The following CD5 variants were observed in gnomAD, a reference collection of about 807,000 sequenced individuals.
CD5 encodes CD5 molecule, also known as T-cell surface glycoprotein CD5.
In CD5, 36 loss-of-function variants were observed where a neutral mutation model predicts 60.3. The observed-to-expected ratio is 0.60, with a 90% confidence interval of 0.46 to 0.79. The LOEUF (loss-of-function observed/expected upper bound fraction) is 0.79, where lower values mean the gene tolerates loss of function less well. CD5 is among the 30% of genes least tolerant of loss of function. The pLI is 0.00. For synonymous variants in CD5, 230 were observed against 257.6 expected (o/e 0.89, Z 1.03); for missense variants, 540 against 630.6 (o/e 0.86, Z 1.54).
rs1316347082 is a variant in CD5 at position 61,126,834 on chromosome 11, A to G, written c.*549A>G. 6.6e-6 allele frequency: 1 copy of G among 152,106 alleles called. No homozygotes were observed. Among genetic ancestry groups the G allele is most frequent in the Non-Finnish European group, 1.5e-5 (1 of 68,046 alleles). 9.4% of individuals were successfully genotyped at this position (152,106 alleles called of 1,614,324 possible). A position where few individuals can be genotyped will look rare whatever the true frequency, so the allele number is the denominator to read the frequency against. ...GTGGTGGTCAGAGGCTGCTCACCTG[A>G]GCACAAAGACAGCTCTGCACATTCA... On this transcript the variant is annotated 3_prime_UTR_variant, in exon 11 of 11. Transcript: ENST00000347785.
rs749496332 is a variant in CD5, at chr11:61,125,189, G to A, written c.1399+38G>A. 13 of 1,612,280 alleles carry A rather than the reference G, an allele frequency of 8.1e-6. No individual in the cohort carries two copies. In the African/African-American group the frequency reaches 1.6e-4, roughly 20 times the overall value. On this transcript the variant is annotated intron_variant, in intron 9 of 10. Coordinates refer to ENST00000347785, the MANE Select transcript of CD5 (RefSeq NM_014207.4). The stretch of plus-strand genomic sequence containing the variant: ...GGGTGCTCCCAGGCACGCAGGCAGG[G>A]CTGCAGCAGGCCGCCAAGGCAGGTC...
At chr11:61,123,137 G>A (rs986474513) in intron 7 of CD5, 105 bp downstream of exon 7, 12 of 1,315,092 alleles carry the variant, frequency 9.1e-6, no homozygotes, top group African/African-American at 8.9e-5. Context: ...AGCTGGGCAC[G>A]CAGGACACCT....
intron 1 of CD5, among the ~76,000 whole-genome samples, chr11:61,103,662 ACT>A (rs977496080): frequency 2.9e-5 from 4 of 137,918 alleles, no homozygotes; most frequent in African/African-American, 5.9e-5. Context: ...GTAATGTGTG[ACT>A]CTGTGTGTGA....
the CD5 span, among the ~76,000 whole-genome samples, chr11:61,096,291 G>A: frequency 6.6e-6 from 1 of 152,242 alleles, no homozygotes; most frequent in African/African-American, 2.4e-5. Flanking sequence ...CTCAGATAAA[G>A]ATGAGGGAGC....
chr11:61,122,586 AT>A (rs138308168), intron 6 of CD5, among the ~76,000 whole-genome samples: 12,201 of 152,228 alleles, frequency 0.08, 502 homozygotes, highest in Non-Finnish European at 0.1. Context: ...GCAATCATAT[AT>A]TGGTTTCTGA....
At chr11:61,111,753 C>T (rs1223520487) in intron 1 of CD5, among the ~76,000 whole-genome samples, 1 of 152,234 alleles carries the variant, frequency 6.6e-6, no homozygotes, top group East Asian at 1.9e-4. Context: ...AGGGAATCTT[C>T]CCACTGGGAA....
upstream of CD5, among the ~76,000 whole-genome samples, chr11:61,100,294 ACAT>A (rs1253327019): frequency 7.0e-6 from 1 of 142,436 alleles, no homozygotes; most frequent in Non-Finnish European, 1.5e-5. Flanking sequence ...GATCACACAT[ACAT>A]CAACATGGAG....
intron 10 of CD5, 28 bp downstream of exon 10, chr11:61,125,869 CACCCCAGG>C (rs1861142769): frequency 6.5e-7 from 1 of 1,530,050 alleles, no homozygotes; most frequent in Non-Finnish European, 9.0e-7. Context: ...CTGACCCCAG[CACCCCAGG>C]GTCCCCCACA....
chr11:61,104,477 C>T (rs1037138148), intron 1 of CD5, among the ~76,000 whole-genome samples: 2 of 152,254 alleles, frequency 1.3e-5, no homozygotes, highest in South Asian at 2.1e-4. Flanking sequence ...TATGGGAACC[C>T]GTGTCCTGCT....
chr11:61,116,543 ACACACACAC>A (rs1328487529), intron 2 of CD5, among the ~76,000 whole-genome samples: 18 of 87,984 alleles, frequency 2.0e-4, no homozygotes, highest in Non-Finnish European at 3.0e-4. Flanking sequence ...CCCACACCAC[ACACACACAC>A]CACACACACC....
intron 1 of CD5, among the ~76,000 whole-genome samples, chr11:61,106,082 G>A (rs1331344070): frequency 3.9e-5 from 5 of 127,842 alleles, no homozygotes; most frequent in East Asian, 2.5e-4. Flanking sequence ...CCGAGATCGC[G>A]CCATTGCACT....
upstream of CD5, among the ~76,000 whole-genome samples, chr11:61,100,803 A>ATT (rs1416409926): frequency 2.8e-5 from 4 of 143,122 alleles, no homozygotes; most frequent in South Asian, 2.5e-4. Context: ...TGGAGATCAC[A>ATT]CACACACATC....
chr11:61,096,410 G>C, the CD5 span, among the ~76,000 whole-genome samples: 352 of 152,326 alleles, frequency 2.3e-3, no homozygotes, highest in Non-Finnish European at 4.4e-3. Flanking sequence ...TTAAGTTTTT[G>C]GTTGATAGTG....
rs1411504556 is a variant in CD5, at chr11:61,118,378, A to G, written c.298A>G (p.Thr100Ala). Residue 100 changes from threonine (T) to alanine (A), a missense_variant, in exon 3 of 11, where the codon ACA becomes GCA. Transcript: ENST00000347785. The surrounding 1 kb of genome is among the most constrained non-coding windows in gnomAD (Gnocchi z 4.7). The part of the protein sequence containing the change: ...LSLGPFLVTY[T>A]PQSSIICYGQ... ...CCTTGGCCCCTTCCTTGTCACCTACACACCTCAGAGCTCAATCATCTGCTA... is the reference window on the plus strand; with the variant it reads ...CCTTGGCCCCTTCCTTGTCACCTACGCACCTCAGAGCTCAATCATCTGCTA... 1.9e-6 allele frequency: 3 copies of G among 1,614,186 alleles called. No individual in the cohort carries two copies. The Admixed American group carries it at 5.0e-5, about 27-fold the overall frequency.
At chr11:61,126,136 A>AGAGCTGCC (rs1296620551) in intron 10 of CD5, among the ~76,000 whole-genome samples, 152 bp from the exon 11 acceptor site, 3 of 152,218 alleles carry the variant, frequency 2.0e-5, no homozygotes, top group African/African-American at 4.8e-5. Context: ...ACACCCCTCT[A>AGAGCTGCC]GAGCTGCCAA....
At chr11:61,119,001 C>T in intron 4 of CD5, 24 bp downstream of exon 4, 6 of 1,579,846 alleles carry the variant, frequency 3.8e-6, no homozygotes, top group Middle Eastern at 1.7e-4. Flanking sequence ...GAACCCCCCA[C>T]AGGGAGTCAG....
At chr11:61,110,670 C>T (rs1285336409) in intron 1 of CD5, among the ~76,000 whole-genome samples, 4 of 152,280 alleles carry the variant, frequency 2.6e-5, no homozygotes, top group Non-Finnish European at 4.4e-5. Flanking sequence ...CAGTGCCAGG[C>T]GGCTAGGTTT....
At chr11:61,122,447 TTGGATGGA>T (rs1358118715) in intron 6 of CD5, among the ~76,000 whole-genome samples, 1 of 136,186 alleles carries the variant, frequency 7.3e-6, no homozygotes, top group African/African-American at 2.8e-5. Flanking sequence ...GGATGGATGG[TTGGATGGA>T]TGGATGGATG....
chr11:61,117,776 G>A (rs1860986829), intron 2 of CD5, among the ~76,000 whole-genome samples: 1 of 152,144 alleles, frequency 6.6e-6, no homozygotes, highest in Non-Finnish European at 1.5e-5. Flanking sequence ...TGGGATTACA[G>A]GCATGAGCCA....
Sources: gnomAD v4.1 joint callset for allele counts (sites outside exome capture counted in the v4.1 genomes callset) on GRCh38, gnomAD v4.1.1 for gene constraint, Gnocchi (gnomAD v3.1) non-coding constraint, MANE v1.5 for transcripts, NCBI Gene and HGNC (gene_info 2026-07-23, HGNC 2026-07-21) for gene names.